Variants in MTMR10 observed in about 807,000 individuals in gnomAD.
The protein encoded by MTMR10 is myotubularin related protein 10.
A neutral mutation model predicts 88.1 loss-of-function variants in MTMR10; 56 were observed. The ratio of observed to expected loss-of-function variants is 0.64; its 90% CI spans 0.51 to 0.79. MTMR10 has a LOEUF of 0.79. Ranked by LOEUF, MTMR10 falls within the 30% of genes least tolerant of loss-of-function variation. MTMR10 has a pLI of 0.00. For missense variants in MTMR10, 883 were observed against 924.7 expected (o/e 0.95, Z 0.58); for synonymous variants, 380 against 340.9 (o/e 1.11, Z -1.26).
intron 7 of MTMR10, among the ~76,000 whole-genome samples, chr15:30,960,007 A>G (rs1251670875): frequency 6.6e-6 from 1 of 152,266 alleles, no homozygotes; most frequent in Non-Finnish European, 1.5e-5. Context: ...GAGAAAATGT[A>G]GATATTTATA....
chr15:30,954,546 ACACT>A lies in MTMR10; in HGVS notation c.1066+213_1066+216del, dbSNP rs1177802382. On this transcript the variant is annotated intron_variant, in intron 10 of 15. Transcript: ENST00000435680. ...TTTCATCATCTGAAGGAAATTTAATACACTCATTTTTCCCCCTCTAAAACAAAAA... is the reference window on the plus strand; with the variant it reads ...TTTCATCATCTGAAGGAAATTTAATACATTTTTCCCCCTCTAAAACAAAAA... Among the ~76,000 whole-genome samples the A allele has an allele frequency of 3.3e-5, 5 of 152,148 alleles. No homozygotes were observed. The East Asian group carries it at 9.6e-4, about 29-fold the overall frequency.
In MTMR10 at chr15:30,954,782, C is replaced by G; in HGVS notation, c.1047G>C (p.Leu349=). ...IQEVQAAFVK[L]KQLCVNEPFE... ...AATTACCATTAACGCATAGCTGCTT[C>G]AGTTTTACAAATGCTGCCTGTACTT... Residue 349 remains leucine (L), a synonymous_variant, in exon 10 of 16, where the codon CTG becomes CTC. Transcript: ENST00000435680. 6.2e-7 allele frequency: 1 copy of G among 1,601,412 alleles called. No individual in the cohort carries two copies. Among genetic ancestry groups the G allele is most frequent in the Non-Finnish European group, 8.5e-7 (1 of 1,174,484 alleles).
chr15:30,941,206 A>G lies in MTMR10; in HGVS notation c.*264T>C. 7.3e-7 allele frequency: 1 copy of G among 1,371,146 alleles called. No individual in the cohort carries two copies. Among genetic ancestry groups the G allele is most frequent in the South Asian group, 1.2e-5 (1 of 81,782 alleles). 84.9% of individuals were successfully genotyped at this position (1,371,146 alleles called of 1,614,324 possible). ...GTAGGAAAAATGGATGGAGACAAAA[A>G]TGTAGCAGACAACATGAACAGTTTG... On this transcript the variant is annotated 3_prime_UTR_variant, in exon 16 of 16. Transcript: ENST00000435680.
At chr15:30,955,840 C>T (rs1473822819) in intron 9 of MTMR10, among the ~76,000 whole-genome samples, 1 of 152,108 alleles carries the variant, frequency 6.6e-6, no homozygotes, top group African/African-American at 2.4e-5. Context: ...CAAAATTCCT[C>T]CCACCCTTCC....
At chr15:30,938,218 T>G (rs1402366857), downstream of MTMR10, among the ~76,000 whole-genome samples, 1 of 152,112 alleles carries the variant, frequency 6.6e-6, no homozygotes, top group Admixed American at 6.5e-5. Context: ...GCATAACCAG[T>G]GTTTCCTTCA....
chr15:30,948,157 C>T, intron 13 of MTMR10, 145 bp downstream of exon 13: 1 of 669,444 alleles, frequency 1.5e-6, no homozygotes, highest in South Asian at 3.7e-5. Context: ...TCAATTTGAA[C>T]TCTAATCCAT....
the MTMR10 span, among the ~76,000 whole-genome samples, chr15:30,924,942 C>T: frequency 1.3e-5 from 2 of 152,170 alleles, no homozygotes; most frequent in Admixed American, 1.3e-4. Context: ...GCTCTGGTTG[C>T]CAGATGCATT....
chr15:30,957,383 G>A (rs983072164), intron 9 of MTMR10, among the ~76,000 whole-genome samples: 1 of 152,168 alleles, frequency 6.6e-6, no homozygotes, highest in African/African-American at 2.4e-5. Context: ...AACTTTAGAG[G>A]GGAGAGAAGG....
At chr15:30,971,695 G>T (rs908809282) in intron 5 of MTMR10, among the ~76,000 whole-genome samples, 2 of 152,116 alleles carry the variant, frequency 1.3e-5, no homozygotes, top group African/African-American at 4.8e-5. Context: ...CAGATATATA[G>T]ATAAATCATT....
chr15:30,963,033 C>T (rs187286216), intron 6 of MTMR10, among the ~76,000 whole-genome samples: 10 of 152,194 alleles, frequency 6.6e-5, no homozygotes, highest in East Asian at 3.9e-4. Flanking sequence ...GGAAGAGAGG[C>T]GGGAAATCAA....
At chr15:30,952,854 A>G (rs576079047) in intron 11 of MTMR10, among the ~76,000 whole-genome samples, 2 of 151,422 alleles carry the variant, frequency 1.3e-5, no homozygotes, top group Admixed American at 1.3e-4. Flanking sequence ...CAGTGGCGTG[A>G]TCTTGACTCA....
the MTMR10 span, chr15:30,928,506 TTGTGTG>T: frequency 1.9e-4 from 277 of 1,484,382 alleles, no homozygotes; most frequent in East Asian, 1.1e-3. Context: ...AAAACAGATT[TTGTGTG>T]TGTGTGTGTG....
downstream of MTMR10, among the ~76,000 whole-genome samples, chr15:30,936,687 A>C (rs922307111): frequency 6.6e-6 from 1 of 152,224 alleles, no homozygotes; most frequent in African/African-American, 2.4e-5. Context: ...TAACATATTT[A>C]TCCCACCAAA....
the MTMR10 span, among the ~76,000 whole-genome samples, chr15:30,919,408 G>T: frequency 6.6e-6 from 1 of 150,950 alleles, no homozygotes; most frequent in Non-Finnish European, 1.5e-5. Flanking sequence ...AAATCATAAG[G>T]GGCTGGGCGT....
chr15:30,938,162 A>C (rs919905102), downstream of MTMR10, among the ~76,000 whole-genome samples: 3 of 151,610 alleles, frequency 2.0e-5, no homozygotes, highest in African/African-American at 7.3e-5. Flanking sequence ...CCAGCCTGGG[A>C]GACAGAGCGA....
chr15:30,960,213 T>C (rs1566955261), intron 7 of MTMR10, among the ~76,000 whole-genome samples: 1 of 152,146 alleles, frequency 6.6e-6, no homozygotes, highest in Non-Finnish European at 1.5e-5. Context: ...AGGGGAACTT[T>C]TACTGGGTGG....
the MTMR10 span, among the ~76,000 whole-genome samples, chr15:30,929,976 TATA>T: frequency 7.9e-6 from 1 of 126,274 alleles, no homozygotes; most frequent in Non-Finnish European, 1.6e-5. Flanking sequence ...ATATAAAATA[TATA>T]ATATATAAGA....
At position 30,941,543 on chromosome 15, in the gene MTMR10, C is replaced by A. The variant is rs762225508; in HGVS notation, c.2261G>T (p.Gly754Val). 1.2e-6 allele frequency: 2 copies of A among 1,607,788 alleles called. No individual in the cohort carries two copies. Among genetic ancestry groups the A allele is most frequent in the African/African-American group, 2.7e-5 (2 of 74,798 alleles). The part of the protein sequence containing the change: ...VGNLCRRSIL[G>V]TPLSKFLSGA... ...ACTTAAAAATTTGCTTAATGGTGTT[C>A]CTAAAATGCTTCGTCTGCACAGATT... The change falls in exon 16 of 16, where the codon GGA becomes GTA. Residue 754 changes from glycine (G) to valine (V), a missense_variant. By Grantham distance (109) the Gly-to-Val change is moderately radical (BLOSUM62 -3). Coordinates refer to ENST00000435680, the MANE Select transcript of MTMR10 (RefSeq NM_017762.3).
At chr15:30,950,527 G>C (rs369731038) in intron 12 of MTMR10, among the ~76,000 whole-genome samples, 1 of 152,062 alleles carries the variant, frequency 6.6e-6, no homozygotes, top group Non-Finnish European at 1.5e-5. Context: ...AAAATTAGCC[G>C]GGCGTGGTGG....
Sources: gnomAD v4.1 joint callset for allele counts (sites outside exome capture counted in the v4.1 genomes callset) on GRCh38, gnomAD v4.1.1 for gene constraint, MANE v1.5 for transcripts, NCBI Gene and HGNC (gene_info 2026-07-23, HGNC 2026-07-21) for gene names.